PRKN: variants seen among roughly 807,000 people sequenced by gnomAD.
PRKN encodes the protein parkin RBR E3 ubiquitin protein ligase, also known as E3 ubiquitin-protein ligase parkin.
In PRKN, 56 loss-of-function variants were observed where a neutral mutation model predicts 59.5. The observed-to-expected ratio is 0.94, with a 90% CI of 0.76 to 1.18. PRKN has a LOEUF of 1.18. Among genes scored for constraint, PRKN ranks in the 50% most tolerant of loss-of-function variants. PRKN has a pLI of 0.00. For missense variants in PRKN, 657 were observed against 596.4 expected, an observed-to-expected ratio of 1.10 and a Z score of -1.06; for synonymous variants, 250 against 222.1, an observed-to-expected ratio of 1.13 and a Z score of -1.12.
At chr6:161,895,369 G>C (rs1265456407) in intron 6 of PRKN, among the ~76,000 whole-genome samples, 8 of 152,174 alleles carry the variant, frequency 5.3e-5, no homozygotes, top group Non-Finnish European at 1.2e-4. Context: ...CCTGCTAACC[G>C]TGGCTGGACT....
chr6:161,897,406 C>A (rs560052616), intron 6 of PRKN, among the ~76,000 whole-genome samples: 2 of 152,250 alleles, frequency 1.3e-5, no homozygotes, highest in African/African-American at 4.8e-5. Flanking sequence ...TTTCAAGACT[C>A]CAAAAGGTCT....
intron 5 of PRKN, among the ~76,000 whole-genome samples, chr6:161,984,075 C>T (rs544961470): frequency 6.6e-6 from 1 of 152,166 alleles, no homozygotes; most frequent in South Asian, 2.1e-4. Context: ...GAACAGGCAG[C>T]TCTGGCCTCA....
In PRKN at chr6:161,535,647, G is replaced by A. The variant is rs1361116416; in HGVS notation, c.1083+13207C>T. Among the ~76,000 whole-genome samples, 8 of 152,342 alleles carry A rather than the reference G, an allele frequency of 5.3e-5. 1 individual carries two copies. Among genetic ancestry groups the A allele is most frequent in the African/African-American group, 1.7e-4 (7 of 41,574 alleles). ...AAGTAACTTTTCTCTGTCGGAATAC[G>A]AGTACGATGTTGTGTGCTACTTCCA... On this transcript the variant is annotated intron_variant, in intron 9 of 11. Transcript: ENST00000366898.
chr6:162,328,217 G>A (rs1583387276), intron 2 of PRKN, among the ~76,000 whole-genome samples: 1 of 108,396 alleles, frequency 9.2e-6, no homozygotes, highest in African/African-American at 3.2e-5. Context: ...AAAGTTAATG[G>A]GCATGGTGGT....
rs1786510200 is a variant in PRKN, at chr6:161,391,703, G to A, written c.1084-4826C>T. Among the ~76,000 whole-genome samples, 4 of 152,162 alleles carry A rather than the reference G, an allele frequency of 2.6e-5. No individual in the cohort carries two copies. In the South Asian group the frequency reaches 8.3e-4, roughly 32 times the overall value. ...AGGATCTATAATCAGTTTATTTTAA[G>A]TAAGAGAGATTATCCTAGATAACCT... On this transcript the variant is annotated intron_variant, in intron 9 of 11. Transcript: ENST00000366898. This position sits in a 1 kb window ranked among gnomAD's most constrained non-coding sequence, Gnocchi z 4.9.
intron 7 of PRKN, among the ~76,000 whole-genome samples, chr6:161,723,850 G>A (rs1310254241): frequency 6.6e-6 from 1 of 152,084 alleles, no homozygotes; most frequent in Non-Finnish European, 1.5e-5. Flanking sequence ...CCTCAAGCTG[G>A]TTCAGCAGAC....
At chr6:162,569,163 A>T (rs1780209193) in intron 1 of PRKN, 1 of 598,238 alleles carries the variant, frequency 1.7e-6, no homozygotes, top group Non-Finnish European at 3.1e-6. Context: ...GTACCAGATC[A>T]AGTATAAGGA....
At chr6:161,358,570 AC>A (rs1784853982) in intron 11 of PRKN, among the ~76,000 whole-genome samples, 1 of 152,098 alleles carries the variant, frequency 6.6e-6, no homozygotes, top group African/African-American at 2.4e-5. Context: ...AACCGAGATT[AC>A]GCCATTGCAC....
At chr6:162,153,883 G>A (rs1042867749) in intron 4 of PRKN, among the ~76,000 whole-genome samples, 1 of 151,256 alleles carries the variant, frequency 6.6e-6, no homozygotes, top group Non-Finnish European at 1.5e-5. Context: ...GGATGGGGGT[G>A]AGGCGAGCCA....
intron 10 of PRKN, among the ~76,000 whole-genome samples, chr6:161,381,320 G>A (rs1168058671): frequency 6.6e-6 from 1 of 152,134 alleles, no homozygotes; most frequent in Non-Finnish European, 1.5e-5. Flanking sequence ...GGCTGGTGCA[G>A]CTCCCAAAGA....
At chr6:162,052,996 C>T (rs577528293) in intron 5 of PRKN, among the ~76,000 whole-genome samples, 13 of 152,234 alleles carry the variant, frequency 8.5e-5, no homozygotes, top group African/African-American at 3.1e-4. Context: ...CTTAAGAATT[C>T]TGCCCTATGA....
intron 7 of PRKN, among the ~76,000 whole-genome samples, chr6:161,705,090 C>G (rs1442954022): frequency 6.6e-6 from 1 of 152,086 alleles, no homozygotes; most frequent in African/African-American, 2.4e-5. Context: ...TCATGCATCC[C>G]CTTATCCAAA....
chr6:162,619,365 C>T (rs2128220468), intron 1 of PRKN, among the ~76,000 whole-genome samples: 1 of 151,700 alleles, frequency 6.6e-6, no homozygotes, highest in South Asian at 2.1e-4. Flanking sequence ...CTAGGACGGT[C>T]TCCATCTCTT....
At chr6:162,353,826 AT>A (rs1784725830) in intron 2 of PRKN, among the ~76,000 whole-genome samples, 1 of 152,082 alleles carries the variant, frequency 6.6e-6, no homozygotes, top group Non-Finnish European at 1.5e-5. Context: ...GGATTGACCA[AT>A]TTTATGTGTC....
intron 2 of PRKN, among the ~76,000 whole-genome samples, chr6:162,286,476 C>A (rs972015004): frequency 6.6e-6 from 1 of 152,134 alleles, no homozygotes; most frequent in African/African-American, 2.4e-5. Context: ...TACTTTTAAG[C>A]CCACTGGCAT....
rs1032074187 is a variant in PRKN at position 161,545,415 on chromosome 6, T to A, written c.1083+3439A>T. The A allele has an allele frequency of 6.2e-7, 1 of 1,612,098 alleles. No homozygotes were observed. The highest frequency in any genetic ancestry group is 1.3e-5 in the African/African-American group (1 of 74,944). On this transcript the variant is annotated intron_variant, in intron 9 of 11. Coordinates refer to ENST00000366898, the MANE Select transcript of PRKN (RefSeq NM_004562.3). The surrounding 1 kb of genome is among the most constrained non-coding windows in gnomAD (Gnocchi z 4.1). ...GCACTCACTTCTCCCTGAGGCAGCT[T>A]ATTTTGTTCTTCGTTGTCCATACTG... is the stretch of plus-strand genomic sequence containing the variant.
At chr6:162,331,538 T>C (rs1248001953) in intron 2 of PRKN, among the ~76,000 whole-genome samples, 10 of 152,230 alleles carry the variant, frequency 6.6e-5, no homozygotes, top group African/African-American at 9.6e-5. Flanking sequence ...TTATCCTTGG[T>C]TACTTGTCAT....
At chr6:161,521,122 T>A (rs918100233) in intron 9 of PRKN, among the ~76,000 whole-genome samples, 9 of 152,190 alleles carry the variant, frequency 5.9e-5, no homozygotes, top group Admixed American at 4.6e-4. Context: ...CTACAAAGAT[T>A]GACAATTATT....
rs553537955 is a variant in PRKN, at chr6:161,555,614, C to A, written c.934-6611G>T. ...TCCTTTTTTTCTCTTCTATTTTGAG[C>A]AAATTTCTGCTCAGTGTGGGGCTTT... On this transcript the variant is annotated intron_variant, in intron 8 of 11. Transcript: ENST00000366898. 3.3e-5 allele frequency among the ~76,000 whole-genome samples: 5 copies of A among 152,218 alleles called. 1 individual carries two copies. The East Asian group carries it at 9.7e-4, about 29-fold the overall frequency.
Sources: gnomAD v4.1 joint callset for allele counts (sites outside exome capture counted in the v4.1 genomes callset) on GRCh38, gnomAD v4.1.1 for gene constraint, Gnocchi (gnomAD v3.1) non-coding constraint, MANE v1.5 for transcripts, NCBI Gene and HGNC (gene_info 2026-07-23, HGNC 2026-07-21) for gene names.